The following LRRC7 variants were observed in gnomAD, a reference collection of about 807,000 sequenced individuals.
LRRC7 encodes the protein leucine-rich repeat-containing protein 7.
LRRC7 carries 23 observed loss-of-function variants against 175.7 expected under a neutral mutation model. The ratio of observed to expected loss-of-function variants is 0.13; its 90% CI spans 0.09 to 0.19. LRRC7 has a LOEUF of 0.19. Ranked by LOEUF, LRRC7 falls within the 10% of genes least tolerant of loss-of-function variation. The probability of loss-of-function intolerance (pLI) is 1.00; values close to 1 mark genes in which losing one functional copy is unlikely to be tolerated. For missense variants in LRRC7, 1,354 were observed against 1,904.7 expected (o/e 0.71, Z 5.38); for synonymous variants, 685 against 680.9 (o/e 1.01, Z -0.09).
At chr1:69,753,046 G>A (rs945111772) in intron 2 of LRRC7, among the ~76,000 whole-genome samples, 6 of 151,960 alleles carry the variant, frequency 3.9e-5, no homozygotes, top group African/African-American at 1.2e-4. Flanking sequence ...TATACTGGAC[G>A]GTGGCCATGT....
intron 7 of LRRC7, among the ~76,000 whole-genome samples, chr1:69,877,578 TG>T (rs1280059727): frequency 1.3e-5 from 2 of 152,174 alleles, no homozygotes; most frequent in African/African-American, 2.4e-5. Flanking sequence ...TATAGAGAAG[TG>T]CAATTATCAC....
rs1486110264 is a variant in LRRC7, at chr1:70,038,101, T to C, written c.2289-12T>C. 1 of 1,580,142 alleles carries C rather than the reference T, an allele frequency of 6.3e-7. No homozygotes were observed. Among genetic ancestry groups the C allele is most frequent in the Non-Finnish European group, 8.6e-7 (1 of 1,164,438 alleles). ...CGTCCTTTTCAATTTCTTCTTCCCA[T>C]TGTGTTCACAGGATTGCACCATCTT... On this transcript the variant is annotated splice_polypyrimidine_tract_variant and intron_variant, in intron 20 of 26. Transcript: ENST00000651989.
intron 5 of LRRC7, among the ~76,000 whole-genome samples, chr1:69,833,766 G>A (rs1020066193): frequency 3.3e-5 from 5 of 151,986 alleles, no homozygotes; most frequent in African/African-American, 1.2e-4. Context: ...GAACTTAGGA[G>A]GTCAGTGGAG....
chr1:69,719,765 T>C (rs1666150102), intron 2 of LRRC7, among the ~76,000 whole-genome samples: 1 of 151,630 alleles, frequency 6.6e-6, no homozygotes, highest in Non-Finnish European at 1.5e-5. Flanking sequence ...TACAAAAAAG[T>C]ATGATGAAGA....
intron 4 of LRRC7, among the ~76,000 whole-genome samples, chr1:69,816,805 C>T (rs993269901): frequency 2.6e-5 from 4 of 152,018 alleles, no homozygotes; most frequent in Admixed American, 1.3e-4. Flanking sequence ...TCCTCATTAC[C>T]CGCACTCCCC....
intron 3 of LRRC7, among the ~76,000 whole-genome samples, chr1:69,783,753 C>CAAAAAAAAA: frequency 1.2e-5 from 1 of 84,716 alleles, no homozygotes; most frequent in Non-Finnish European, 2.2e-5. Context: ...CTCCCCATCT[C>CAAAAAAAAA]AAAAAAAAAA....
chr1:69,940,738 A>G (rs1648623794), intron 8 of LRRC7, among the ~76,000 whole-genome samples: 1 of 152,150 alleles, frequency 6.6e-6, no homozygotes, highest in African/African-American at 2.4e-5. Flanking sequence ...TTGAGTTATG[A>G]ATAGGAGTTG....
At chr1:69,678,524 T>C (rs1388977375) in intron 2 of LRRC7, 46 bp downstream of exon 2, 1 of 1,369,812 alleles carries the variant, frequency 7.3e-7, no homozygotes, top group Admixed American at 1.9e-5. Flanking sequence ...TAGATTTTGG[T>C]GAGTAGCATA....
chr1:69,717,939 A>AGAAGAAAAC (rs1665764477), intron 2 of LRRC7, among the ~76,000 whole-genome samples: 1 of 81,486 alleles, frequency 1.2e-5, no homozygotes, highest in Non-Finnish European at 2.3e-5. Flanking sequence ...AAAGAAAGAA[A>AGAAGAAAAC]GAAAGAAAGA....
rs1361343715 is a variant in LRRC7, at chr1:70,141,958, A to C, written c.*20071A>C. On this transcript the variant is annotated 3_prime_UTR_variant, in exon 27 of 27. Coordinates refer to ENST00000651989, the MANE Select transcript of LRRC7 (RefSeq NM_001370785.2). ...TAACGAAAGCATTTGACAAATGGAC[A>C]AAAGAAATCACATTGTATTTCTTTG... The C allele has an allele frequency of 2.6e-5, 4 of 152,092 alleles. No homozygotes were observed. Among genetic ancestry groups the C allele is most frequent in the African/African-American group, 9.7e-5 (4 of 41,424 alleles). 9.4% of individuals were successfully genotyped at this position (152,092 alleles called of 1,614,324 possible). A position where few individuals can be genotyped will look rare whatever the true frequency, so the allele number is the denominator to read the frequency against.
intron 7 of LRRC7, among the ~76,000 whole-genome samples, chr1:69,879,143 T>C (rs1686314572): frequency 6.8e-6 from 1 of 146,224 alleles, no homozygotes; most frequent in Non-Finnish European, 1.5e-5. Flanking sequence ...TATGCATGTG[T>C]TCGGGTGGGG....
At chr1:69,856,641 A>C (rs148244089) in intron 7 of LRRC7, among the ~76,000 whole-genome samples, 1,907 of 152,334 alleles carry the variant, frequency 0.013, 34 homozygotes, top group African/African-American at 0.042. Context: ...AACCAAAAAA[A>C]GTCCAGGACC....
intron 7 of LRRC7, among the ~76,000 whole-genome samples, chr1:69,897,470 C>T (rs1646012023): frequency 1.3e-5 from 2 of 152,212 alleles, no homozygotes; most frequent in South Asian, 2.1e-4. Context: ...CTACTTCCTT[C>T]TTGTACATTT....
intron 2 of LRRC7, among the ~76,000 whole-genome samples, chr1:69,731,652 T>C (rs1043050741): frequency 6.6e-6 from 1 of 152,228 alleles, no homozygotes; most frequent in African/African-American, 2.4e-5. Flanking sequence ...ATTTGAAAGG[T>C]GTTCACTTTG....
chr1:69,754,197 T>C (rs12073162), intron 2 of LRRC7, among the ~76,000 whole-genome samples: 1,689 of 152,106 alleles, frequency 0.011, 36 homozygotes, highest in African/African-American at 0.039. Flanking sequence ...ATTGAAGTAT[T>C]TGCAGCAAGA....
chr1:69,804,884 G>A (rs1247842824), intron 4 of LRRC7, among the ~76,000 whole-genome samples: 1 of 151,644 alleles, frequency 6.6e-6, no homozygotes, highest in Non-Finnish European at 1.5e-5. Context: ...GTATGATAAA[G>A]CACCATAATG....
intron 1 of LRRC7, among the ~76,000 whole-genome samples, chr1:69,601,525 G>C (rs1396147814): frequency 1.3e-5 from 2 of 152,166 alleles, no homozygotes; most frequent in African/African-American, 4.8e-5. Flanking sequence ...TTCTCAACTA[G>C]AGGATAATGC....
At chr1:69,709,539 A>T (rs1367851454) in intron 2 of LRRC7, among the ~76,000 whole-genome samples, 1 of 152,204 alleles carries the variant, frequency 6.6e-6, no homozygotes, top group Admixed American at 6.5e-5. Flanking sequence ...CTCTAGCTCC[A>T]TAGTGCCTAG....
rs769338892 is a variant in LRRC7, at chr1:70,131,991, C to T, written c.*10104C>T. Among the ~76,000 whole-genome samples, 11 of 151,806 alleles carry T rather than the reference C, an allele frequency of 7.2e-5. No individual in the cohort carries two copies. The highest frequency in any genetic ancestry group is 1.6e-4 in the Non-Finnish European group (11 of 67,944). On this transcript the variant is annotated 3_prime_UTR_variant, in exon 27 of 27. Coordinates refer to ENST00000651989, the MANE Select transcript of LRRC7 (RefSeq NM_001370785.2). ...AGTAAGGAACAAGAACAGACTAGGG[C>T]TGGGAAAGAGGGGAATTAATAAGTT...
Sources: gnomAD v4.1 joint callset for allele counts (sites outside exome capture counted in the v4.1 genomes callset) on GRCh38, gnomAD v4.1.1 for gene constraint, MANE v1.5 for transcripts, NCBI Gene and HGNC (gene_info 2026-07-23, HGNC 2026-07-21) for gene names.